KIFC3: variants seen among roughly 807,000 people sequenced by gnomAD.
KIFC3 encodes the protein kinesin family member C3.
KIFC3 carries 60 observed loss-of-function variants against 101.8 expected under a neutral mutation model. The observed-to-expected ratio is 0.59, with a 90% confidence interval of 0.48 to 0.73. KIFC3 has a LOEUF of 0.73. Ranked by LOEUF, KIFC3 falls within the 30% of genes least tolerant of loss-of-function variation. The pLI, the probability that KIFC3 is intolerant of heterozygous loss-of-function variation, is 0.00. For synonymous variants in KIFC3, 476 were observed against 482.7 expected (o/e 0.99, Z 0.18); for missense variants, 966 against 1,137.1 (o/e 0.85, Z 2.16).
chr16:57,759,328 C>G lies in KIFC3; in HGVS notation c.2477-175G>C, dbSNP rs1222181837. On this transcript the variant is annotated intron_variant, in intron 18 of 19. Transcript: ENST00000445690. ...TCCTGTGGCGGGGCTCACTCCTCAC[C>G]TAGGAGGTAGGCAAGCCCGGCCCTT... 9.4e-6 allele frequency: 7 copies of G among 742,074 alleles called. No homozygotes were observed. In the East Asian group the frequency reaches 1.9e-4, roughly 20 times the overall value. The allele number at this position is 742,074 out of a possible 1,614,324, so 46.0% of individuals were successfully genotyped here. A position where few individuals can be genotyped will look rare whatever the true frequency, so the allele number is the denominator to read the frequency against.
intron 12 of KIFC3, among the ~76,000 whole-genome samples, chr16:57,762,616 C>T (rs183396710): frequency 1.4e-4 from 21 of 152,306 alleles, no homozygotes; most frequent in African/African-American, 4.1e-4. Context: ...TGAATGACCC[C>T]GCCACTGCCC....
intron 3 of KIFC3, chr16:57,775,818 T>TGGACGTCAATCCAGGGCTGA (rs2051981636): frequency 5.8e-5 from 57 of 985,602 alleles, no homozygotes; most frequent in Non-Finnish European, 6.9e-5. Context: ...CAGGACAGCA[T>TGGACGTCAATCCAGGGCTGA]GGACGTCAAT....
chr16:57,823,682 C>A (rs530559985), intron 1 of KIFC3, among the ~76,000 whole-genome samples: 1 of 151,960 alleles, frequency 6.6e-6, no homozygotes, highest in Admixed American at 6.6e-5. Context: ...AACCTCCACC[C>A]CCCAGGTTCC....
intron 1 of KIFC3, among the ~76,000 whole-genome samples, chr16:57,826,855 A>T (rs1397519490): frequency 1.3e-5 from 2 of 152,200 alleles, no homozygotes; most frequent in African/African-American, 2.4e-5. Flanking sequence ...CACCGTGGTC[A>T]TACTCTGGAC....
chr16:57,840,627 G>A (rs1452891600), intron 1 of KIFC3, among the ~76,000 whole-genome samples: 1 of 151,912 alleles, frequency 6.6e-6, no homozygotes, highest in Non-Finnish European at 1.5e-5. Context: ...GGCCATGGTG[G>A]CGCATGGCTG....
chr16:57,852,504 C>A (rs750926713), intron 1 of KIFC3, among the ~76,000 whole-genome samples: 1 of 152,190 alleles, frequency 6.6e-6, no homozygotes, highest in South Asian at 2.1e-4. Flanking sequence ...TCAGCTCTCA[C>A]CTCTGGGCCA....
chr16:57,775,262 C>A, intron 3 of KIFC3: 2 of 1,296,570 alleles, frequency 1.5e-6, no homozygotes, highest in Non-Finnish European at 2.0e-6. Flanking sequence ...GCTCTAAAGG[C>A]CCCTTTGTTC....
chr16:57,777,662 A>G (rs2149045244), intron 3 of KIFC3, among the ~76,000 whole-genome samples: 1 of 152,066 alleles, frequency 6.6e-6, no homozygotes, highest in African/African-American at 2.4e-5. Context: ...CAGAGGTCGC[A>G]GTGAGCTGAG....
chr16:57,825,555 G>A (rs914972356), intron 1 of KIFC3, among the ~76,000 whole-genome samples: 5 of 152,206 alleles, frequency 3.3e-5, no homozygotes, highest in Non-Finnish European at 7.3e-5. Flanking sequence ...AGTGGCAGCT[G>A]CCCACCCAAA....
At chr16:57,810,417 A>G (rs2149257533) in intron 1 of KIFC3, among the ~76,000 whole-genome samples, 1 of 152,312 alleles carries the variant, frequency 6.6e-6, no homozygotes, top group South Asian at 2.1e-4. Context: ...GTTTGCAAAC[A>G]GCAACAGGAA....
chr16:57,760,494 G>A (rs1409950633), intron 16 of KIFC3, 78 bp from the exon 17 acceptor site: 13 of 1,546,348 alleles, frequency 8.4e-6, no homozygotes, highest in East Asian at 2.3e-5. Context: ...CTCACAGCTG[G>A]GGCCGTCAGA....
chr16:57,860,138 A>G (rs1175311445), intron 1 of KIFC3, among the ~76,000 whole-genome samples: 1 of 152,084 alleles, frequency 6.6e-6, no homozygotes, highest in Non-Finnish European at 1.5e-5. Flanking sequence ...CTCCCTAGGA[A>G]ATTCTATAAA....
At chr16:57,828,346 C>T (rs1040507913) in intron 1 of KIFC3, among the ~76,000 whole-genome samples, 3 of 152,260 alleles carry the variant, frequency 2.0e-5, no homozygotes, top group Non-Finnish European at 4.4e-5. Flanking sequence ...CGGGACTCGG[C>T]CCAAGGCTGT....
rs2055316301 is a variant in KIFC3, at chr16:57,819,985, C to T, written c.109-21703G>A. ...CTGGGTTCTAACAATATTCCTGCCT[C>T]AGTCTCCTGAGTAGCTGGGATTACA... On this transcript the variant is annotated intron_variant, in intron 1 of 2. Coordinates refer to the KIFC3 transcript ENST00000563028. 2.6e-5 allele frequency among the ~76,000 whole-genome samples: 4 copies of T among 152,200 alleles called. No individual in the cohort carries two copies. In the South Asian group the frequency reaches 8.3e-4, roughly 31 times the overall value.
intron 1 of KIFC3, among the ~76,000 whole-genome samples, chr16:57,822,739 T>C (rs2055378462): frequency 6.6e-6 from 1 of 151,982 alleles, no homozygotes; most frequent in African/African-American, 2.4e-5. Context: ...ATAAATAAAA[T>C]GCCAGTGTCA....
chr16:57,862,742 G>A lies in KIFC3; in HGVS notation c.95C>T (p.Pro32Leu), dbSNP rs752329216. The change falls in exon 1 of 3, where the codon CCG becomes CTG. Residue 32 changes from proline (P) to leucine (L), a missense_variant. Coordinates refer to the KIFC3 transcript ENST00000563028. ...CCAGGCCCTTACCTTGCACTGCTCC[G>A]GGACACCAGCCTCCAATCTGAGGGT... 28 of 1,287,282 alleles carry A rather than the reference G, an allele frequency of 2.2e-5. No homozygotes were observed. In the East Asian group the frequency reaches 3.9e-4, roughly 18 times the overall value. The allele number at this position is 1,287,282 out of a possible 1,614,324, so 79.7% of individuals were successfully genotyped here.
chr16:57,823,804 T>TGTGTGTGTGTGTGTG (rs1568088575), intron 1 of KIFC3, among the ~76,000 whole-genome samples: 12 of 149,394 alleles, frequency 8.0e-5, no homozygotes, highest in Non-Finnish European at 1.2e-4. Flanking sequence ...TGTGTGTGTG[T>TGTGTGTGTGTGTGTG]TTTTAGTAGA....
rs2054530944 is a variant in KIFC3 at position 57,798,630 on chromosome 16, TC to T, written c.-39-349del. 1.1e-5 allele frequency: 4 copies of T among 380,326 alleles called. No individual in the cohort carries two copies. In the South Asian group the frequency reaches 1.1e-4, roughly 11 times the overall value. 23.6% of individuals were successfully genotyped at this position (380,326 alleles called of 1,614,324 possible). A position where few individuals can be genotyped will look rare whatever the true frequency, so the allele number is the denominator to read the frequency against. ...GGAGGCACCGCGAGTCAGCAGCATCTCCGTAAGTCTAATCCTTTTCCTCCAA... is the reference window on the plus strand; with the variant it reads ...GGAGGCACCGCGAGTCAGCAGCATCTCGTAAGTCTAATCCTTTTCCTCCAA... On this transcript the variant is annotated intron_variant, in intron 1 of 19. Transcript: ENST00000445690.
rs375913794 is a variant in KIFC3 at position 57,853,231 on chromosome 16, C to A, written c.108+9498G>T. Among the ~76,000 whole-genome samples the A allele has an allele frequency of 7.9e-5, 12 of 151,968 alleles. No individual in the cohort carries two copies. The East Asian group carries it at 1.7e-3, about 22-fold the overall frequency. On this transcript the variant is annotated intron_variant, in intron 1 of 2. Transcript: ENST00000563028. Reference sequence around the variant, plus strand: ...GTCAGGATTTTGAGACCAGCCTGGCCAACATGGTGAAACCCTGTCACTACT... The same window carrying A: ...GTCAGGATTTTGAGACCAGCCTGGCAAACATGGTGAAACCCTGTCACTACT...
Sources: allele counts gnomAD v4.1 joint callset (sites outside exome capture counted in the v4.1 genomes callset), GRCh38; gene constraint gnomAD v4.1.1; transcripts MANE v1.5; gene names NCBI Gene and HGNC (gene_info 2026-07-23, HGNC 2026-07-21).